The following KMT2B variants were observed in gnomAD, a reference collection of about 807,000 sequenced individuals.
KMT2B encodes histone-lysine N-methyltransferase 2B.
In KMT2B, 22 loss-of-function variants were observed where a neutral mutation model predicts 255.3. That is an observed-to-expected ratio of 0.09 (90% CI 0.06 to 0.12). The LOEUF (loss-of-function observed/expected upper bound fraction) is 0.12. Ranked by LOEUF, KMT2B falls within the 10% of genes least tolerant of loss-of-function variation. KMT2B has a pLI of 1.00. For synonymous variants in KMT2B, 1,730 were observed against 1,498.1 expected, an observed-to-expected ratio of 1.15 and a Z score of -3.57; for missense variants, 3,149 against 3,737.0, an observed-to-expected ratio of 0.84 and a Z score of 4.10.
In KMT2B at chr19:35,732,573, A is replaced by G. The variant is rs760429557; in HGVS notation, c.6024A>G (p.Val2008=). 2 of 1,613,574 alleles carry G rather than the reference A, an allele frequency of 1.2e-6. No homozygotes were observed. Among genetic ancestry groups the G allele is most frequent in the Non-Finnish European group, 1.7e-6 (2 of 1,179,832 alleles). Residue 2008 remains valine, a synonymous_variant, in exon 28 of 37, where the codon GTA becomes GTG. Coordinates refer to ENST00000420124, the MANE Select transcript of KMT2B (RefSeq NM_014727.3). ...CTGAGCCCTTCCAGGAAGAGATTGT[A>G]GCCGCTGGGGCCATGGGGAGCAGCC... ...LGTEPFQEEI[V]AAGAMGSSHG...
Position 35,719,504 on chromosome 19 carries a change from C to T in KMT2B, c.399C>T (p.Ala133=). The T allele has an allele frequency of 6.3e-7, 1 of 1,591,990 alleles. No homozygotes were observed. Among genetic ancestry groups the T allele is most frequent in the Non-Finnish European group, 8.6e-7 (1 of 1,169,434 alleles). Residue 133 remains alanine (A), a synonymous_variant, in exon 2 of 37, where the codon GCC becomes GCT. Transcript: ENST00000420124. ...FQGFHSDEDV[A]PSSLRSALRS... is the part of the protein sequence containing the mutation. Reference sequence around the variant, plus strand: ...GTTTTCATTCAGATGAAGATGTGGCCCCCAGTTCCCTGCGCTCTGCGCTCC... The same window carrying T: ...GTTTTCATTCAGATGAAGATGTGGCTCCCAGTTCCCTGCGCTCTGCGCTCC...
At position 35,718,398 on chromosome 19, in the gene KMT2B, C is replaced by T; in HGVS notation, c.363+17C>T. 1 of 1,256,702 alleles carries T rather than the reference C, an allele frequency of 8.0e-7. No homozygotes were observed. The highest frequency in any genetic ancestry group is 1.0e-6 in the Non-Finnish European group (1 of 992,522). 77.8% of individuals were successfully genotyped at this position (1,256,702 alleles called of 1,614,324 possible). A position where few individuals can be genotyped will look rare whatever the true frequency, so the allele number is the denominator to read the frequency against. ...GACGAGGAGGTGAGGCGGTTGGAGG[C>T]GTCCCCGGCGCCGGGTGGGGCGGAG... On this transcript the variant is annotated intron_variant, in intron 1 of 36. Transcript: ENST00000420124. This position sits in a 1 kb window ranked among gnomAD's most constrained non-coding sequence, Gnocchi z 5.0.
At chr19:35,721,872 C>T in intron 3 of KMT2B, 68 bp downstream of exon 3, 1 of 1,456,068 alleles carries the variant, frequency 6.9e-7, no homozygotes, top group Non-Finnish European at 9.0e-7. Context: ...AACCCCCTAA[C>T]CTTCCGCCTC....
Position 35,723,658 on chromosome 19 carries a change from T to C in KMT2B, c.3059-74T>C. 1 of 1,389,664 alleles carries C rather than the reference T, an allele frequency of 7.2e-7. No homozygotes were observed. The highest frequency in any genetic ancestry group is 2.4e-5 in the East Asian group (1 of 42,126). The allele number at this position is 1,389,664 out of a possible 1,614,324, so 86.1% of individuals were successfully genotyped here. On this transcript the variant is annotated intron_variant, in intron 7 of 36. Transcript: ENST00000420124. The surrounding 1 kb of genome is among the most constrained non-coding windows in gnomAD (Gnocchi z 7.5). ...TCCTGCGTTCATTCCCTGCCCCGCT[T>C]CTTTCTGGCTTCTCTCCCAGTGTCC... is the stretch of plus-strand genomic sequence containing the variant.
Position 35,737,075 on chromosome 19 carries a change from T to A in KMT2B, c.7373-11T>A. 6.2e-7 allele frequency: 1 copy of A among 1,610,350 alleles called. No homozygotes were observed. The highest frequency in any genetic ancestry group is 8.5e-7 in the Non-Finnish European group (1 of 1,177,882). On this transcript the variant is annotated splice_polypyrimidine_tract_variant and intron_variant, in intron 32 of 36. Transcript: ENST00000420124. The surrounding 1 kb of genome is among the most constrained non-coding windows in gnomAD (Gnocchi z 5.3). ...CCACATGACAGGTGTGTCCTCAACA[T>A]CTCCCCTCAGGAATGAGTGGGGCGA... is the stretch of plus-strand genomic sequence containing the variant.
chr19:35,721,698 C>A lies in KMT2B; in HGVS notation c.2351C>A (p.Pro784Gln), dbSNP rs752655321. The A allele has an allele frequency of 3.7e-6, 6 of 1,610,464 alleles. No homozygotes were observed. The highest frequency in any genetic ancestry group is 5.1e-6 in the Non-Finnish European group (6 of 1,178,344). ...CGGATTGCGGGCGTGGGTTCCTTGC[C>A]GCTGTCTGGGGTAGAGGAGAAGATG... ...KARIAGVGSLPLSGVEEKMFS... is the reference protein window; with the variant it reads ...KARIAGVGSLQLSGVEEKMFS... The change falls in exon 3 of 37, where the codon CCG becomes CAG. Residue 784 changes from proline to glutamine, a missense_variant. This residue lies in a region of KMT2B where 1,188 missense variants were observed against 1,106.4 expected (regional missense o/e 1.07). Transcript: ENST00000420124.
In KMT2B at chr19:35,719,613, C is replaced by T. The variant is rs940606852; in HGVS notation, c.436+72C>T. On this transcript the variant is annotated intron_variant, in intron 2 of 36. Transcript: ENST00000420124. ...CCTCGCCCTTCGTGTCAGCTCTTCC[C>T]TGTTCAACTAGCCTCTGTCAGTTGC... is the stretch of plus-strand genomic sequence containing the variant. 7.9e-6 allele frequency: 12 copies of T among 1,519,346 alleles called. No individual in the cohort carries two copies. The South Asian group carries it at 8.1e-5, about 10-fold the overall frequency. 94.1% of individuals were successfully genotyped at this position (1,519,346 alleles called of 1,614,324 possible).
chr19:35,737,762 G>A lies in KMT2B; in HGVS notation c.7658+19G>A, dbSNP rs957262068. Reference sequence around the variant, plus strand: ...CAACCAGGTATGGAGTGTGAGCTGGGGGGCGGGTGGTGGTCTGGAAGGGTC... The same window carrying A: ...CAACCAGGTATGGAGTGTGAGCTGGAGGGCGGGTGGTGGTCTGGAAGGGTC... On this transcript the variant is annotated intron_variant, in intron 34 of 36. Coordinates refer to ENST00000420124, the MANE Select transcript of KMT2B (RefSeq NM_014727.3). This position sits in a 1 kb window ranked among gnomAD's most constrained non-coding sequence, Gnocchi z 5.3. 3 of 1,558,206 alleles carry A rather than the reference G, an allele frequency of 1.9e-6. No homozygotes were observed. Among genetic ancestry groups the A allele is most frequent in the Non-Finnish European group, 8.7e-7 (1 of 1,149,420 alleles).
chr19:35,733,575 C>G lies in KMT2B; in HGVS notation c.6960-22C>G. 6.4e-7 allele frequency: 1 copy of G among 1,560,676 alleles called. No individual in the cohort carries two copies. Among genetic ancestry groups the G allele is most frequent in the South Asian group, 1.2e-5 (1 of 84,686 alleles). ...AGATGGGCGGGAGATGCGGCTCATCCTTCTCGGGCTCGCCCTCCCAGGTTT... is the reference window on the plus strand; with the variant it reads ...AGATGGGCGGGAGATGCGGCTCATCGTTCTCGGGCTCGCCCTCCCAGGTTT... On this transcript the variant is annotated intron_variant, in intron 28 of 36. Coordinates refer to ENST00000420124, the MANE Select transcript of KMT2B (RefSeq NM_014727.3). The surrounding 1 kb of genome is among the most constrained non-coding windows in gnomAD (Gnocchi z 4.3).
In KMT2B at chr19:35,723,736, G is replaced by A. The variant is rs1480969729; in HGVS notation, c.3063G>A (p.Arg1021=). Residue 1021 remains arginine (R), a synonymous_variant, in exon 8 of 37, where the codon CGG becomes CGA. Coordinates refer to ENST00000420124, the MANE Select transcript of KMT2B (RefSeq NM_014727.3). This position sits in a 1 kb window ranked among gnomAD's most constrained non-coding sequence, Gnocchi z 7.5. ...CTAAGTCCCCTGTTCCCGCAGGCCG[G>A]ACGATAGTGAAGACGCTGTTGCCCT... ...RKMERLAKKG[R]TIVKTLLPWD... 6.5e-7 allele frequency: 1 copy of A among 1,530,508 alleles called. No individual in the cohort carries two copies. The highest frequency in any genetic ancestry group is 8.8e-7 in the Non-Finnish European group (1 of 1,138,516). 94.8% of individuals were successfully genotyped at this position (1,530,508 alleles called of 1,614,324 possible). A position where few individuals can be genotyped will look rare whatever the true frequency, so the allele number is the denominator to read the frequency against.
At position 35,720,715 on chromosome 19, in the gene KMT2B, C is replaced by G. The variant is rs768693126; in HGVS notation, c.1368C>G (p.Ser456=). 1 of 1,476,266 alleles carries G rather than the reference C, an allele frequency of 6.8e-7. No individual in the cohort carries two copies. The highest frequency in any genetic ancestry group is 1.4e-5 in the African/African-American group (1 of 69,928). 91.4% of individuals were successfully genotyped at this position (1,476,266 alleles called of 1,614,324 possible). A position where few individuals can be genotyped will look rare whatever the true frequency, so the allele number is the denominator to read the frequency against. Residue 456 remains serine (S), a synonymous_variant, in exon 3 of 37, where the codon TCC becomes TCG. Transcript: ENST00000420124. ...CTGCCCAAGAGGAGCAGGAGGAATC[C>G]CCTCCTCCTGTGGTCCCAGCTACGT... The part of the protein sequence containing the change: ...PPPAQEEQEE[S]PPPVVPATCS...
At chr19:35,731,681 T>A (rs1286754219) in intron 26 of KMT2B, among the ~76,000 whole-genome samples, 1 of 152,064 alleles carries the variant, frequency 6.6e-6, no homozygotes, top group African/African-American at 2.4e-5. Context: ...AGAGAGGAGA[T>A]GGCAAGGAGC....
chr19:35,725,907 A>ATCCCCAACCTCTGCTCCTCCT lies in KMT2B; in HGVS notation c.3885+89_3885+90insTCCCCAACCTCTGCTCCTCCT. On this transcript the variant is annotated intron_variant, in intron 13 of 36. Transcript: ENST00000420124. The surrounding 1 kb of genome is among the most constrained non-coding windows in gnomAD (Gnocchi z 4.1). ...GCTCTAGGCTGGGGCTCTCAGGAGG[A>ATCCCCAACCTCTGCTCCTCCT]GCAGAGGTTGGGGATCCTCTTAAGA... The ATCCCCAACCTCTGCTCCTCCT allele has an allele frequency of 9.1e-7, 1 of 1,093,868 alleles. No homozygotes were observed. Among genetic ancestry groups the ATCCCCAACCTCTGCTCCTCCT allele is most frequent in the Non-Finnish European group, 1.4e-6 (1 of 734,580 alleles). 67.8% of individuals were successfully genotyped at this position (1,093,868 alleles called of 1,614,324 possible).
rs201417068 is a variant in KMT2B at position 35,723,428 on chromosome 19, G to A, written c.3003-19G>A. 3.9e-5 allele frequency: 62 copies of A among 1,570,226 alleles called. 1 individual carries two copies. In the East Asian group the frequency reaches 9.9e-4, roughly 25 times the overall value. On this transcript the variant is annotated intron_variant, in intron 6 of 36. Coordinates refer to ENST00000420124, the MANE Select transcript of KMT2B (RefSeq NM_014727.3). This position sits in a 1 kb window ranked among gnomAD's most constrained non-coding sequence, Gnocchi z 7.5. The stretch of plus-strand genomic sequence containing the variant: ...ACCACCAGTCCCCTACCCTGGTGAC[G>A]TGCTGCTCCCCTCCCCAGATACCGG...
chr19:35,737,117 C>T lies in KMT2B; in HGVS notation c.7404C>T (p.His2468=), dbSNP rs1599703709. 6.2e-7 allele frequency: 1 copy of T among 1,610,578 alleles called. No individual in the cohort carries two copies. Among genetic ancestry groups the T allele is most frequent in the Admixed American group, 1.7e-5 (1 of 59,680 alleles). Residue 2468 remains histidine (H), a synonymous_variant, in exon 33 of 37, where the codon CAC becomes CAT. Transcript: ENST00000420124. This position sits in a 1 kb window ranked among gnomAD's most constrained non-coding sequence, Gnocchi z 5.3. ...GMSGARLLGI[H]HDAVIFLAEQ... is the part of the protein sequence containing the mutation. ...GTGGGGCGAGACTCCTGGGCATCCA[C>T]CATGATGCTGTCATCTTCCTGGCCG...
Position 35,723,711 on chromosome 19 carries a change from C to G in KMT2B, c.3059-21C>G, listed in dbSNP as rs535015978. On this transcript the variant is annotated intron_variant, in intron 7 of 36. Transcript: ENST00000420124. This position sits in a 1 kb window ranked among gnomAD's most constrained non-coding sequence, Gnocchi z 7.5. The stretch of plus-strand genomic sequence containing the variant: ...TGTCCCTGGCTGAGCTCAAATCCTA[C>G]TAAGTCCCCTGTTCCCGCAGGCCGG... The G allele has an allele frequency of 2.6e-6, 4 of 1,517,470 alleles. No individual in the cohort carries two copies. The highest frequency in any genetic ancestry group is 1.8e-6 in the Non-Finnish European group (2 of 1,132,878). 94.0% of individuals were successfully genotyped at this position (1,517,470 alleles called of 1,614,324 possible).
Position 35,732,498 on chromosome 19 carries a change from G to C in KMT2B, c.5949G>C (p.Val1983=). 1.2e-6 allele frequency: 2 copies of C among 1,613,950 alleles called. No homozygotes were observed. The highest frequency in any genetic ancestry group is 1.7e-6 in the Non-Finnish European group (2 of 1,179,874). ...LGPDFEDMEV[V]SGLSAADLDF... is the part of the protein sequence containing the mutation. ...CAGACTTCGAGGACATGGAGGTGGT[G>C]TCAGGACTGAGTGCTGCTGACCTGG... is the stretch of plus-strand genomic sequence containing the variant. The change falls in exon 28 of 37, where the codon GTG becomes GTC. Residue 1983 remains valine, a synonymous_variant. Coordinates refer to ENST00000420124, the MANE Select transcript of KMT2B (RefSeq NM_014727.3).
At chr19:35,726,959 G>A (rs1291780443) in intron 14 of KMT2B, among the ~76,000 whole-genome samples, 197 bp from the exon 15 acceptor site, 1 of 147,396 alleles carries the variant, frequency 6.8e-6, no homozygotes, top group Non-Finnish European at 1.5e-5. Flanking sequence ...ACTCTAGCCT[G>A]GGTGACAGAG....
At position 35,728,818 on chromosome 19, in the gene KMT2B, T is replaced by C. The variant is rs763121089; in HGVS notation, c.4616T>C (p.Val1539Ala). 6.2e-7 allele frequency: 1 copy of C among 1,613,808 alleles called. No homozygotes were observed. Among genetic ancestry groups the C allele is most frequent in the Non-Finnish European group, 8.5e-7 (1 of 1,179,840 alleles). ...NAVLPPSLDH[V>A]YAQWRQQEPE... is the part of the protein sequence containing the mutation. Reference sequence around the variant, plus strand: ...GTGTTGCCCCCATCCCTGGATCATGTCTATGCGCAGTGGAGACAGCAGGAA... The same window carrying C: ...GTGTTGCCCCCATCCCTGGATCATGCCTATGCGCAGTGGAGACAGCAGGAA... Residue 1539 changes from valine (V) to alanine (A), a missense_variant, in exon 20 of 37, where the codon GTC becomes GCC. By Grantham distance (64) the Val-to-Ala change is moderately conservative (BLOSUM62 0). Transcript: ENST00000420124.
Sources: allele counts gnomAD v4.1 joint callset (sites outside exome capture counted in the v4.1 genomes callset), GRCh38; gene constraint gnomAD v4.1.1; regional missense constraint gnomAD v4.1.1; non-coding constraint Gnocchi (gnomAD v3.1); transcripts MANE v1.5; gene names NCBI Gene and HGNC (gene_info 2026-07-23, HGNC 2026-07-21).